XYLB: variants seen among roughly 807,000 people sequenced by gnomAD.
XYLB encodes the protein xylulose kinase.
A neutral mutation model predicts 78.7 loss-of-function variants in XYLB; 62 were observed. That is an observed-to-expected ratio of 0.79 (90% confidence interval 0.64 to 0.97). The LOEUF (loss-of-function observed/expected upper bound fraction) is 0.97, where lower values mean the gene tolerates loss of function less well. XYLB is among the 50% of genes least tolerant of loss of function. XYLB has a pLI of 0.00. For missense variants in XYLB, 687 were observed against 676.8 expected (o/e 1.02, Z -0.17); for synonymous variants, 245 against 247.4 (o/e 0.99, Z 0.09).
chr3:38,353,076 T>C (rs1705455305), intron 2 of XYLB, among the ~76,000 whole-genome samples: 1 of 152,270 alleles, frequency 6.6e-6, no homozygotes, highest in South Asian at 2.1e-4. Flanking sequence ...TGTCATTGAA[T>C]TTCCCAGTCT....
the XYLB span, among the ~76,000 whole-genome samples, chr3:38,432,645 A>G: frequency 6.6e-6 from 1 of 152,238 alleles, no homozygotes; most frequent in African/African-American, 2.4e-5. Context: ...GACATTGGCC[A>G]AAACAAAGGG....
the XYLB span, chr3:38,452,205 T>G: frequency 1.3e-5 from 2 of 152,188 alleles, no homozygotes; most frequent in East Asian, 3.9e-4. Context: ...TAGTATTCAA[T>G]CCTGTGTTAA....
intron 15 of XYLB, among the ~76,000 whole-genome samples, chr3:38,382,610 C>T (rs1707201859): frequency 1.3e-5 from 2 of 152,218 alleles, no homozygotes; most frequent in South Asian, 4.1e-4. Flanking sequence ...TCTGCAAAGA[C>T]TTCCAAGTTC....
At chr3:38,346,976 G>A in intron 1 of XYLB, 51 bp downstream of exon 1, 3 of 1,384,106 alleles carry the variant, frequency 2.2e-6, no homozygotes, top group South Asian at 1.6e-5. Flanking sequence ...CGCTTCGGTG[G>A]GGGTAGGGGG....
intron 9 of XYLB, among the ~76,000 whole-genome samples, chr3:38,371,083 C>T (rs754399646): frequency 5.3e-5 from 8 of 152,084 alleles, no homozygotes; most frequent in Non-Finnish European, 1.2e-4. Flanking sequence ...GTGAGGACTT[C>T]GCGTTGGGAG....
chr3:38,365,310 T>C (rs1296780008), intron 5 of XYLB, 25 bp downstream of exon 5: 4 of 1,610,490 alleles, frequency 2.5e-6, no homozygotes, highest in Admixed American at 3.3e-5. Context: ...GTTGTGTGAG[T>C]GTGAGAAACT....
the XYLB span, among the ~76,000 whole-genome samples, chr3:38,443,229 A>C: frequency 2.6e-5 from 4 of 152,146 alleles, no homozygotes; most frequent in African/African-American, 9.7e-5. Flanking sequence ...CCTGTCCCTC[A>C]ATAGTTAAAT....
chr3:38,367,852 C>G (rs1417024248), intron 7 of XYLB, among the ~76,000 whole-genome samples: 1 of 152,192 alleles, frequency 6.6e-6, no homozygotes, highest in African/African-American at 2.4e-5. Context: ...GGAAGGAAAT[C>G]AGGGCACACA....
intron 4 of XYLB, 61 bp from the exon 5 acceptor site, chr3:38,365,138 C>G (rs1246175474): frequency 6.5e-7 from 1 of 1,533,108 alleles, no homozygotes. Flanking sequence ...CTTTCTGTGT[C>G]TTCAGGAGGC....
At chr3:38,431,464 GT>G in the XYLB span, among the ~76,000 whole-genome samples, 4 of 152,184 alleles carry the variant, frequency 2.6e-5, no homozygotes, top group East Asian at 3.8e-4. Flanking sequence ...AGACGATGGG[GT>G]TTTCTAAACA....
At chr3:38,389,019 A>G (rs1244570007) in intron 15 of XYLB, among the ~76,000 whole-genome samples, 1 of 149,374 alleles carries the variant, frequency 6.7e-6, no homozygotes, top group African/African-American at 2.5e-5. Flanking sequence ...TCATAGGACA[A>G]TAGTGGAGGG....
intron 2 of XYLB, among the ~76,000 whole-genome samples, chr3:38,359,053 C>T (rs771500839): frequency 1.2e-4 from 19 of 152,216 alleles, no homozygotes; most frequent in Admixed American, 2.6e-4. Flanking sequence ...GTGTGGGAAT[C>T]GGCTAAAAGC....
chr3:38,360,792 G>A (rs1214517930), intron 3 of XYLB, among the ~76,000 whole-genome samples: 1 of 152,188 alleles, frequency 6.6e-6, no homozygotes, highest in Non-Finnish European at 1.5e-5. Context: ...CCAGCACTTT[G>A]GGAGGCCGAG....
chr3:38,374,585 A>G (rs1436183805), intron 11 of XYLB, 83 bp downstream of exon 11: 7 of 1,577,664 alleles, frequency 4.4e-6, no homozygotes, highest in South Asian at 1.1e-5. Context: ...GGTGCTGCTG[A>G]GACCCAGATC....
Position 38,400,938 on chromosome 3 carries a change from G to C in XYLB, c.1486G>C (p.Ala496Pro), listed in dbSNP as rs1708097533. 6.2e-7 allele frequency: 1 copy of C among 1,614,050 alleles called. No individual in the cohort carries two copies. Among genetic ancestry groups the C allele is most frequent in the African/African-American group, 1.3e-5 (1 of 74,918 alleles). ...DVPFSEVVKL[A>P]PNPRLAATPS... ...GCCCTTTTCAGAGGTTGTGAAGTTA[G>C]CTCCAAATCCCAGACTAGCTGCTAC... Residue 496 changes from alanine to proline, a missense_variant, in exon 18 of 19, where the codon GCT (alanine) becomes CCT (proline). Physicochemically the swap from Ala to Pro is conservative, Grantham distance 27. Coordinates refer to ENST00000207870, the MANE Select transcript of XYLB (RefSeq NM_005108.4).
intron 15 of XYLB, among the ~76,000 whole-genome samples, chr3:38,388,593 G>A (rs1707499735): frequency 1.3e-5 from 2 of 152,078 alleles, no homozygotes; most frequent in Non-Finnish European, 2.9e-5. Flanking sequence ...GTGTAACTAG[G>A]GTTGGTTTTT....
At chr3:38,451,621 C>G in the XYLB span, 1 of 143,342 alleles carries the variant, frequency 7.0e-6, no homozygotes, top group Non-Finnish European at 1.5e-5. Flanking sequence ...AACTCTGTCT[C>G]AAAAACAAAA....
At chr3:38,356,528 G>A (rs181474466) in intron 2 of XYLB, 2 of 152,290 alleles carry the variant, frequency 1.3e-5, no homozygotes, top group East Asian at 3.9e-4. Context: ...TCGTAGACAT[G>A]AATATATATA....
At chr3:38,443,604 C>G in the XYLB span, among the ~76,000 whole-genome samples, 1 of 152,068 alleles carries the variant, frequency 6.6e-6, no homozygotes, top group Non-Finnish European at 1.5e-5. Context: ...CCTCTTGGTC[C>G]CTTTTATAGA....
Sources: gnomAD v4.1 joint callset for allele counts (sites outside exome capture counted in the v4.1 genomes callset) on GRCh38, gnomAD v4.1.1 for gene constraint, MANE v1.5 for transcripts, NCBI Gene and HGNC (gene_info 2026-07-23, HGNC 2026-07-21) for gene names.